ZNF385D: variants seen among roughly 807,000 people sequenced by gnomAD.
The protein encoded by ZNF385D is zinc finger protein 659.
A neutral mutation model predicts 35.8 loss-of-function variants in ZNF385D; 15 were observed. That is an observed-to-expected ratio of 0.42 (90% CI 0.28 to 0.64). ZNF385D has a LOEUF of 0.64. Among genes scored for constraint, ZNF385D ranks in the 30% least tolerant of loss-of-function variants. ZNF385D has a pLI of 0.23. For missense variants in ZNF385D, 474 were observed against 494.6 expected, an observed-to-expected ratio of 0.96 and a Z score of 0.39; for synonymous variants, 212 against 186.8, an observed-to-expected ratio of 1.13 and a Z score of -1.10.
intron 3 of ZNF385D, among the ~76,000 whole-genome samples, chr3:21,951,309 T>C (rs896095777): frequency 1.3e-5 from 2 of 151,686 alleles, no homozygotes; most frequent in Admixed American, 1.3e-4. Flanking sequence ...TTTGTAGCAA[T>C]TGTGAATGGG....
chr3:21,569,185 G>C (rs1463560961), intron 2 of ZNF385D, among the ~76,000 whole-genome samples: 182 of 144,340 alleles, frequency 1.3e-3, no homozygotes, highest in Admixed American at 2.4e-3. Flanking sequence ...CATTATTATT[G>C]TGTGGGAGTC....
intron 5 of ZNF385D, 33 bp from the exon 6 acceptor site, chr3:21,425,703 G>A: frequency 1.4e-6 from 2 of 1,477,000 alleles, no homozygotes; most frequent in Non-Finnish European, 9.1e-7. Flanking sequence ...GGAAGGAAAG[G>A]AGGGAGGAAA....
chr3:21,917,023 T>G (rs184988511), intron 3 of ZNF385D, among the ~76,000 whole-genome samples: 21 of 152,282 alleles, frequency 1.4e-4, no homozygotes, highest in Admixed American at 1.3e-3. Flanking sequence ...ATTTTAAAAT[T>G]TGTCTATTTT....
At chr3:22,134,176 G>C (rs1463210952) in intron 3 of ZNF385D, 1 of 151,982 alleles carries the variant, frequency 6.6e-6, no homozygotes, top group Non-Finnish European at 1.5e-5. Flanking sequence ...TATTATCAAT[G>C]AGAAATGAAC....
chr3:22,368,154 C>T (rs961290338), intron 2 of ZNF385D, among the ~76,000 whole-genome samples: 6 of 152,118 alleles, frequency 3.9e-5, no homozygotes, highest in African/African-American at 1.4e-4. Context: ...AAATTAAACA[C>T]ATGTTAGGAT....
At chr3:21,446,661 T>G (rs1210129293) in intron 4 of ZNF385D, among the ~76,000 whole-genome samples, 1 of 151,824 alleles carries the variant, frequency 6.6e-6, no homozygotes, top group Non-Finnish European at 1.5e-5. Flanking sequence ...ACCTGGCTAA[T>G]TTTTGTATTT....
intron 3 of ZNF385D, among the ~76,000 whole-genome samples, chr3:21,757,425 G>A (rs529667811): frequency 2.0e-5 from 3 of 152,210 alleles, no homozygotes; most frequent in African/African-American, 7.2e-5. Flanking sequence ...TTACAGGCGT[G>A]AGCCACCACA....
chr3:21,957,010 T>A (rs77850180), intron 3 of ZNF385D: 4 of 152,156 alleles, frequency 2.6e-5, no homozygotes, highest in Non-Finnish European at 4.4e-5. Flanking sequence ...GGGGGCATAA[T>A]TGAATCATGG....
chr3:22,264,483 G>A (rs2125350560), intron 2 of ZNF385D, among the ~76,000 whole-genome samples: 2 of 152,118 alleles, frequency 1.3e-5, no homozygotes, highest in South Asian at 4.1e-4. Flanking sequence ...GAGGCTAATA[G>A]CAGACAATAC....
chr3:22,216,346 T>C (rs1461071713), intron 2 of ZNF385D, among the ~76,000 whole-genome samples: 1 of 152,110 alleles, frequency 6.6e-6, no homozygotes, highest in Non-Finnish European at 1.5e-5. Context: ...TTAACAATAC[T>C]ACCATTATGG....
intron 3 of ZNF385D, among the ~76,000 whole-genome samples, chr3:21,900,996 C>T (rs1699381706): frequency 1.3e-5 from 2 of 152,168 alleles, no homozygotes; most frequent in Admixed American, 6.5e-5. Flanking sequence ...GGCATCCATG[C>T]CTGTGCTCTT....
chr3:22,041,208 ACT>A (rs1698643698), intron 3 of ZNF385D, among the ~76,000 whole-genome samples: 1 of 151,738 alleles, frequency 6.6e-6, no homozygotes, highest in South Asian at 2.1e-4. Context: ...GAAGAGAAAA[ACT>A]CTCTGAAAAA....
At chr3:21,959,004 G>A (rs567232145) in intron 3 of ZNF385D, 137 of 152,152 alleles carry the variant, frequency 9.0e-4, no homozygotes, top group African/African-American at 3.1e-3. Context: ...ACATCTACTG[G>A]GATTGTAGCA....
At chr3:21,599,073 T>A (rs1278574805) in intron 2 of ZNF385D, among the ~76,000 whole-genome samples, 1 of 152,246 alleles carries the variant, frequency 6.6e-6, no homozygotes, top group Admixed American at 6.5e-5. Flanking sequence ...TAAATGTGAA[T>A]CTGGTATCAC....
chr3:22,365,558 C>A (rs1374023942), intron 2 of ZNF385D, among the ~76,000 whole-genome samples: 1 of 152,004 alleles, frequency 6.6e-6, no homozygotes, highest in Non-Finnish European at 1.5e-5. Flanking sequence ...TGTACAGAGT[C>A]TTCTATGGTA....
At chr3:21,887,056 G>T (rs181657906) in intron 3 of ZNF385D, among the ~76,000 whole-genome samples, 131 of 152,204 alleles carry the variant, frequency 8.6e-4, no homozygotes, top group Admixed American at 2.8e-3. Context: ...CTTTCTTATG[G>T]ATGTGTCAAG....
chr3:22,025,419 C>T (rs1237556183), intron 3 of ZNF385D, among the ~76,000 whole-genome samples: 2 of 152,074 alleles, frequency 1.3e-5, no homozygotes, highest in Non-Finnish European at 2.9e-5. Context: ...GTGTGCTACA[C>T]TCGAAAAGAA....
intron 4 of ZNF385D, among the ~76,000 whole-genome samples, chr3:21,482,255 C>T (rs527745403): frequency 1.3e-5 from 2 of 151,676 alleles, no homozygotes; most frequent in Non-Finnish European, 2.9e-5. Context: ...AATCAGGAGT[C>T]AGTAAAGGGT....
chr3:21,809,596 A>C (rs1229835502), intron 3 of ZNF385D, among the ~76,000 whole-genome samples: 4 of 150,946 alleles, frequency 2.6e-5, no homozygotes, highest in Non-Finnish European at 5.9e-5. Context: ...AATGATATAT[A>C]TATACACATA....
Sources: allele counts gnomAD v4.1 joint callset (sites outside exome capture counted in the v4.1 genomes callset), GRCh38; gene constraint gnomAD v4.1.1; transcripts MANE v1.5; gene names NCBI Gene and HGNC (gene_info 2026-07-23, HGNC 2026-07-21).